The following GALNT17 variants were observed in gnomAD, a reference collection of about 807,000 sequenced individuals.
GALNT17 encodes the protein UDP-GalNAc:polypeptide N-acetylgalactosaminyltransferase-like 3.
Under a neutral mutation model 63.7 loss-of-function variants are expected in GALNT17, and 29 were observed. That is an observed-to-expected ratio of 0.46 (90% CI 0.34 to 0.62). The LOEUF (loss-of-function observed/expected upper bound fraction) is 0.62. Ranked by LOEUF, GALNT17 falls within the 20% of genes least tolerant of loss-of-function variation. GALNT17 has a pLI of 0.01. For missense variants in GALNT17, 603 were observed against 799.6 expected (o/e 0.75, Z 2.97); for synonymous variants, 305 against 318.3 (o/e 0.96, Z 0.45).
chr7:71,425,121 G>A (rs76613348), intron 5 of GALNT17, among the ~76,000 whole-genome samples: 4,989 of 152,308 alleles, frequency 0.033, 121 homozygotes, highest in South Asian at 0.12. Context: ...GGCAAAGGCC[G>A]ATTGTAAGGG....
chr7:71,580,211 G>GGATAGATA (rs36015695), intron 6 of GALNT17, among the ~76,000 whole-genome samples: 1 of 151,388 alleles, frequency 6.6e-6, no homozygotes. Flanking sequence ...GATGATTGAT[G>GGATAGATA]GATAGATAGA....
At chr7:71,359,231 G>A (rs1462984476) in intron 2 of GALNT17, among the ~76,000 whole-genome samples, 1 of 152,218 alleles carries the variant, frequency 6.6e-6, no homozygotes, top group Non-Finnish European at 1.5e-5. Context: ...CACGCTGTAC[G>A]AGAAGCATGA....
chr7:71,228,841 A>G (rs1789730205), intron 1 of GALNT17, among the ~76,000 whole-genome samples: 2 of 152,186 alleles, frequency 1.3e-5, no homozygotes, highest in African/African-American at 4.8e-5. Context: ...GTTTCCAAAT[A>G]AATTACCATT....
chr7:71,665,610 G>A lies in GALNT17; in HGVS notation c.1266+14G>A. The A allele has an allele frequency of 6.2e-7, 1 of 1,610,794 alleles. No homozygotes were observed. The highest frequency in any genetic ancestry group is 8.5e-7 in the Non-Finnish European group (1 of 1,178,972). On this transcript the variant is annotated intron_variant, in intron 7 of 10. Transcript: ENST00000333538. ...CTGCCGCTGGAGGTAGGGATCACCA[G>A]CCTTTCCCCACCACCCCAGTACAGT...
chr7:71,629,295 G>GCACAATC (rs1790422656), intron 6 of GALNT17, among the ~76,000 whole-genome samples: 1 of 152,094 alleles, frequency 6.6e-6, no homozygotes, highest in South Asian at 2.1e-4. Context: ...AATCCTGCGG[G>GCACAATC]CTGCATTCAC....
chr7:71,374,517 G>A (rs1487665840), intron 2 of GALNT17, among the ~76,000 whole-genome samples: 4 of 152,204 alleles, frequency 2.6e-5, no homozygotes, highest in Non-Finnish European at 4.4e-5. Flanking sequence ...GAGCTGGTAC[G>A]TAGCTCTTCA....
intron 2 of GALNT17, among the ~76,000 whole-genome samples, chr7:71,381,197 G>A (rs774603622): frequency 1.3e-5 from 2 of 151,986 alleles, no homozygotes; most frequent in South Asian, 4.2e-4. Flanking sequence ...CCTGACCTCT[G>A]GTGGTCCGCT....
intron 1 of GALNT17, among the ~76,000 whole-genome samples, chr7:71,301,195 G>A (rs1192863452): frequency 6.6e-6 from 1 of 151,788 alleles, no homozygotes; most frequent in Non-Finnish European, 1.5e-5. Flanking sequence ...GCTGAGGTGG[G>A]AGGATCCCTT....
At chr7:71,499,085 GAC>G (rs1788138600) in intron 5 of GALNT17, among the ~76,000 whole-genome samples, 1 of 149,398 alleles carries the variant, frequency 6.7e-6, no homozygotes, top group East Asian at 2.0e-4. Flanking sequence ...ATGATCTGAA[GAC>G]ACAGGACAGC....
rs75849757 is a variant in GALNT17 at position 71,273,778 on chromosome 7, A to C, written c.239-61772A>C. Among the ~76,000 whole-genome samples, 380 of 152,228 alleles carry C rather than the reference A, an allele frequency of 2.5e-3. 3 individuals carry two copies. The highest frequency in any genetic ancestry group is 8.8e-3 in the African/African-American group (367 of 41,546). On this transcript the variant is annotated intron_variant, in intron 1 of 10. Coordinates refer to ENST00000333538, the MANE Select transcript of GALNT17 (RefSeq NM_022479.3). ...CTTTTGATCAGCCATGAAAAGTTTG[A>C]CTTTTAACTGTTGGTCAAATACAAT...
intron 1 of GALNT17, among the ~76,000 whole-genome samples, chr7:71,320,712 AGAT>A (rs1791590810): frequency 6.6e-6 from 1 of 152,098 alleles, no homozygotes; most frequent in Non-Finnish European, 1.5e-5. Flanking sequence ...AATTAATTAG[AGAT>A]GATGGTGGTG....
chr7:71,270,643 C>G (rs1287924308), intron 1 of GALNT17, among the ~76,000 whole-genome samples: 1 of 150,760 alleles, frequency 6.6e-6, no homozygotes, highest in Non-Finnish European at 1.5e-5. Context: ...TTCAGCAATT[C>G]TCCTTTTATA....
At position 71,597,199 on chromosome 7, in the gene GALNT17, G is replaced by A. The variant is rs941316706; in HGVS notation, c.1080+25797G>A. Among the ~76,000 whole-genome samples, 12 of 150,746 alleles carry A rather than the reference G, an allele frequency of 8.0e-5. No individual in the cohort carries two copies. In the East Asian group the frequency reaches 1.4e-3, roughly 17 times the overall value. On this transcript the variant is annotated intron_variant, in intron 6 of 10. Coordinates refer to ENST00000333538, the MANE Select transcript of GALNT17 (RefSeq NM_022479.3). ...ACTACAGGCACCCGCCACCATGCCC[G>A]GCTAATTTTTTTTGTATTTTTGGTA...
chr7:71,296,158 C>A (rs1791075597), intron 1 of GALNT17, among the ~76,000 whole-genome samples: 1 of 152,096 alleles, frequency 6.6e-6, no homozygotes, highest in African/African-American at 2.4e-5. Context: ...TTATCATCAC[C>A]ATTAGTAATT....
intron 6 of GALNT17, among the ~76,000 whole-genome samples, chr7:71,583,575 A>G (rs1391980749): frequency 1.3e-5 from 2 of 152,204 alleles, no homozygotes; most frequent in Non-Finnish European, 2.9e-5. Context: ...TTTATTGGAC[A>G]TGGAAAAAGG....
intron 6 of GALNT17, among the ~76,000 whole-genome samples, chr7:71,572,931 C>A (rs1273555850): frequency 1.3e-5 from 2 of 152,156 alleles, no homozygotes; most frequent in Non-Finnish European, 2.9e-5. Flanking sequence ...TCCACCAACA[C>A]CCCTGTACGA....
chr7:71,555,039 G>A (rs980234074), intron 5 of GALNT17, among the ~76,000 whole-genome samples: 8 of 152,126 alleles, frequency 5.3e-5, no homozygotes, highest in African/African-American at 1.9e-4. Context: ...GGGGAAGGGG[G>A]AGCCAGCATT....
chr7:71,703,326 G>C, intron 9 of GALNT17, among the ~76,000 whole-genome samples: 1 of 152,212 alleles, frequency 6.6e-6, no homozygotes, highest in East Asian at 1.9e-4. Flanking sequence ...GCCTCAGGGA[G>C]CTTTTGCCCA....
At chr7:71,394,357 G>T (rs1005925245) in intron 3 of GALNT17, among the ~76,000 whole-genome samples, 5 of 152,092 alleles carry the variant, frequency 3.3e-5, no homozygotes, top group African/African-American at 1.2e-4. Flanking sequence ...CTACCACCAG[G>T]CCCCACCTTC....
Sources: allele counts gnomAD v4.1 joint callset (sites outside exome capture counted in the v4.1 genomes callset), GRCh38; gene constraint gnomAD v4.1.1; transcripts MANE v1.5; gene names NCBI Gene and HGNC (gene_info 2026-07-23, HGNC 2026-07-21).